The following SDK2 variants were observed in gnomAD, a reference collection of about 807,000 sequenced individuals.
SDK2 encodes sidekick cell adhesion molecule 2, also known as protein sidekick-2.
SDK2 carries 105 observed loss-of-function variants against 253.9 expected under a neutral mutation model. The observed-to-expected ratio is 0.41, with a 90% CI of 0.35 to 0.49. The LOEUF is 0.49. Among genes scored for constraint, SDK2 ranks in the 20% least tolerant of loss-of-function variants. The probability of loss-of-function intolerance (pLI) is 0.06; values close to 1 mark genes in which losing one functional copy is unlikely to be tolerated. For missense variants in SDK2, 2,608 were observed against 3,003.0 expected (o/e 0.87, Z 3.07); for synonymous variants, 1,249 against 1,234.9 (o/e 1.01, Z -0.24).
intron 1 of SDK2, among the ~76,000 whole-genome samples, chr17:73,619,007 AAAT>A (rs2046094652): frequency 2.0e-5 from 3 of 152,150 alleles, no homozygotes; most frequent in South Asian, 4.2e-4. Flanking sequence ...CCTCTACTAA[AAAT>A]ACAAAAATTA....
intron 2 of SDK2, among the ~76,000 whole-genome samples, chr17:73,483,161 A>T (rs958529910): frequency 1.3e-5 from 2 of 151,722 alleles, no homozygotes; most frequent in Non-Finnish European, 2.9e-5. Context: ...TTGCTTCACA[A>T]TCCAGAAAGA....
Position 73,534,262 on chromosome 17 carries a change from C to T in SDK2, c.65-26665G>A, listed in dbSNP as rs1157106555. On this transcript the variant is annotated intron_variant, in intron 1 of 44. Coordinates refer to ENST00000392650, the MANE Select transcript of SDK2 (RefSeq NM_001144952.2). This position sits in a 1 kb window ranked among gnomAD's most constrained non-coding sequence, Gnocchi z 4.9. The stretch of plus-strand genomic sequence containing the variant: ...TAATGAACGAATGAGGATCAAAAAG[C>T]AGATGCAAGAGCGGGTCCGCTGCTG... Among the ~76,000 whole-genome samples the T allele has an allele frequency of 6.6e-6, 1 of 152,216 alleles. No individual in the cohort carries two copies.
intron 1 of SDK2, among the ~76,000 whole-genome samples, chr17:73,546,491 C>T (rs1471718230): frequency 7.2e-5 from 11 of 152,234 alleles, no homozygotes; most frequent in African/African-American, 1.9e-4. Context: ...AGGGCCCCCA[C>T]CCCCAGTCAC....
rs763701132 is a variant in SDK2, at chr17:73,629,441, A to G, written c.64+14584T>C. Among the ~76,000 whole-genome samples the G allele has an allele frequency of 1.3e-5, 2 of 152,192 alleles. No homozygotes were observed. Among genetic ancestry groups the G allele is most frequent in the Non-Finnish European group, 2.9e-5 (2 of 68,038 alleles). ...CTGAGTGTAAGCACCTGAGGGCAGA[A>G]GCCACTTGGGGTGTGGCCAGGTACA... On this transcript the variant is annotated intron_variant, in intron 1 of 44. Transcript: ENST00000392650. This position sits in a 1 kb window ranked among gnomAD's most constrained non-coding sequence, Gnocchi z 5.0.
At chr17:73,444,537 C>T (rs535869267) in intron 5 of SDK2, among the ~76,000 whole-genome samples, 3 of 152,218 alleles carry the variant, frequency 2.0e-5, no homozygotes, top group Non-Finnish European at 2.9e-5. Context: ...CTGCCCCAGA[C>T]GCTTTGCGTA....
chr17:73,525,312 C>A (rs2145793084), intron 1 of SDK2, among the ~76,000 whole-genome samples: 1 of 152,266 alleles, frequency 6.6e-6, no homozygotes, highest in African/African-American at 2.4e-5. Flanking sequence ...TCACTCTAGC[C>A]AGGCCAGGGG....
At chr17:73,487,056 C>G (rs1035078677) in intron 2 of SDK2, among the ~76,000 whole-genome samples, 4 of 152,188 alleles carry the variant, frequency 2.6e-5, no homozygotes, top group Non-Finnish European at 5.9e-5. Context: ...GCCTCAGCCT[C>G]CCGAGTAGCT....
Position 73,350,694 on chromosome 17 carries a change from A to G in SDK2, c.5855T>C (p.Ile1952Thr). 1 of 1,613,712 alleles carries G rather than the reference A, an allele frequency of 6.2e-7. No individual in the cohort carries two copies. The change falls in exon 42 of 45, where the codon ATC becomes ACC. Residue 1952 changes from isoleucine to threonine, a missense_variant. By Grantham distance (89) the Ile-to-Thr change is moderately conservative (BLOSUM62 -1). Around this residue, in one of 2 missense-constraint regions of SDK2, gnomAD observed 1,103 missense variants for 1,143.9 expected, o/e 0.96. Coordinates refer to ENST00000392650, the MANE Select transcript of SDK2 (RefSeq NM_001144952.2). Reference sequence around the variant, plus strand: ...GTACTTCTTGCTCTGGCCCCGGATGATGAGCACGAAGACCAGAAGCAGGAT... The same window carrying G: ...GTACTTCTTGCTCTGGCCCCGGATGGTGAGCACGAAGACCAGAAGCAGGAT... ...IFILLLVFVL[I>T]IRGQSKKYAK... is the part of the protein sequence containing the mutation.
At position 73,401,780 on chromosome 17, in the gene SDK2, C is replaced by CG. The variant is rs200470291; in HGVS notation, c.2681-29_2681-28insC. The CG allele has an allele frequency of 3.0e-5, 47 of 1,548,202 alleles. No individual in the cohort carries two copies. The South Asian group carries it at 5.2e-4, about 17-fold the overall frequency. ...GCACCCCAAAAGGAACCCCCACCCC[C>CG]CAAGGCCAGTTAGAGCCAGAGAGAG... is the stretch of plus-strand genomic sequence containing the variant. On this transcript the variant is annotated intron_variant, in intron 19 of 44. Transcript: ENST00000392650.
intron 1 of SDK2, among the ~76,000 whole-genome samples, chr17:73,549,596 G>A (rs981009625): frequency 9.9e-5 from 15 of 151,950 alleles, no homozygotes; most frequent in African/African-American, 3.1e-4. Flanking sequence ...AAGGCTTCCC[G>A]GAAGAGGGAG....
At chr17:73,578,123 G>C (rs187573042) in intron 1 of SDK2, among the ~76,000 whole-genome samples, 7 of 150,594 alleles carry the variant, frequency 4.6e-5, no homozygotes, top group Non-Finnish European at 1.0e-4. Context: ...GCAATGGTGC[G>C]ATCTCAGCTC....
chr17:73,379,592 G>A lies in SDK2; in HGVS notation c.4763-43C>T, dbSNP rs769768933. ...GGAGGGGAAGCACACTGAGGTCACC[G>A]TCATTGCTGGGAAGGTGTCCCCAGG... On this transcript the variant is annotated intron_variant, in intron 34 of 44. Coordinates refer to ENST00000392650, the MANE Select transcript of SDK2 (RefSeq NM_001144952.2). The surrounding 1 kb of genome is among the most constrained non-coding windows in gnomAD (Gnocchi z 4.5). 4.0e-6 allele frequency: 5 copies of A among 1,245,466 alleles called. No individual in the cohort carries two copies. The highest frequency in any genetic ancestry group is 3.8e-5 in the Admixed American group (2 of 52,676). 77.2% of individuals were successfully genotyped at this position (1,245,466 alleles called of 1,614,324 possible). A position where few individuals can be genotyped will look rare whatever the true frequency, so the allele number is the denominator to read the frequency against.
At chr17:73,608,535 C>T (rs886576262) in intron 1 of SDK2, among the ~76,000 whole-genome samples, 7 of 152,098 alleles carry the variant, frequency 4.6e-5, no homozygotes, top group South Asian at 4.1e-4. Flanking sequence ...CTCCACCTCC[C>T]GAGTTCAAGC....
chr17:73,644,038 C>T lies in SDK2; in HGVS notation c.51G>A (p.Ala17=). Reference sequence around the variant, plus strand: ...GTCCCTCCTTACCTTGGGCTCTGGCCGCGCGGATCTGATGCAGAGCTAGCA... The same window carrying T: ...GTCCCTCCTTACCTTGGGCTCTGGCTGCGCGGATCTGATGCAGAGCTAGCA... ...WTLLALHQIR[A]ARAQDDVSPY... Residue 17 remains alanine, a synonymous_variant, in exon 1 of 45, where the codon GCG becomes GCA. Transcript: ENST00000392650. This position sits in a 1 kb window ranked among gnomAD's most constrained non-coding sequence, Gnocchi z 6.3. 6.4e-7 allele frequency: 1 copy of T among 1,550,448 alleles called. No individual in the cohort carries two copies. Among genetic ancestry groups the T allele is most frequent in the Non-Finnish European group, 8.7e-7 (1 of 1,146,658 alleles).
intron 26 of SDK2, 53 bp downstream of exon 26, chr17:73,394,156 G>C: frequency 8.9e-7 from 1 of 1,120,136 alleles, no homozygotes; most frequent in South Asian, 1.9e-5. Flanking sequence ...CTTGGATGGA[G>C]AGGCTGGAGG....
intron 12 of SDK2, among the ~76,000 whole-genome samples, chr17:73,426,286 T>C (rs8067496): frequency 0.45 from 65,372 of 145,032 alleles, 15,368 homozygotes; most frequent in East Asian, 0.69. Flanking sequence ...AAGCTGGTCT[T>C]GAACTCCTGA....
chr17:73,641,159 T>C (rs2046393556), intron 1 of SDK2: 1 of 152,242 alleles, frequency 6.6e-6, no homozygotes, highest in Non-Finnish European at 1.5e-5. Flanking sequence ...GTCTTATTGG[T>C]GGGTGGCAGG....
At chr17:73,597,210 G>A (rs2045772105) in intron 1 of SDK2, among the ~76,000 whole-genome samples, 1 of 152,166 alleles carries the variant, frequency 6.6e-6, no homozygotes, top group Admixed American at 6.5e-5. Flanking sequence ...CTTGAAGGGT[G>A]GAGACTCTCC....
intron 2 of SDK2, among the ~76,000 whole-genome samples, chr17:73,501,690 C>T (rs976324156): frequency 6.6e-6 from 1 of 152,234 alleles, no homozygotes; most frequent in Non-Finnish European, 1.5e-5. Context: ...GACAAGCTAC[C>T]TACACACGTG....
Sources: allele counts gnomAD v4.1 joint callset (sites outside exome capture counted in the v4.1 genomes callset), GRCh38; gene constraint gnomAD v4.1.1; regional missense constraint gnomAD v4.1.1; non-coding constraint Gnocchi (gnomAD v3.1); transcripts MANE v1.5; gene names NCBI Gene and HGNC (gene_info 2026-07-23, HGNC 2026-07-21).